Variants in SIRPA observed in about 807,000 individuals in gnomAD.
The protein encoded by SIRPA is signal regulatory protein alpha, also known as tyrosine-protein phosphatase non-receptor type substrate 1.
A neutral mutation model predicts 50.3 loss-of-function variants in SIRPA; 9 were observed. That is an observed-to-expected ratio of 0.18 (90% confidence interval 0.11 to 0.31). SIRPA has a LOEUF of 0.31. Ranked by LOEUF, SIRPA falls within the 10% of genes least tolerant of loss-of-function variation. The pLI is 1.00. For missense variants in SIRPA, 474 were observed against 661.6 expected, an observed-to-expected ratio of 0.72 and a Z score of 3.11; for synonymous variants, 265 against 284.1, an observed-to-expected ratio of 0.93 and a Z score of 0.68.
At chr20:1,917,939 G>A (rs1439470561) in intron 2 of SIRPA, among the ~76,000 whole-genome samples, 1 of 152,134 alleles carries the variant, frequency 6.6e-6, no homozygotes, top group Non-Finnish European at 1.5e-5. Flanking sequence ...GGAAGGTGGT[G>A]GTCAGTGTCA....
Position 1,937,559 on chromosome 20 carries a change from G to C in SIRPA, c.1506G>C (p.Pro502=), listed in dbSNP as rs750974605. ...CAGAGTACGCCAGCGTCCAGGTCCC[G>C]AGGAAGTGAATGGGACCGTGGTTTG... ...SFSEYASVQV[P]RK Residue 502 remains proline (P), a synonymous_variant, in exon 8 of 8, where the codon CCG becomes CCC. Coordinates refer to ENST00000358771, the MANE Select transcript of SIRPA (RefSeq NM_001040023.2). This position sits in a 1 kb window ranked among gnomAD's most constrained non-coding sequence, Gnocchi z 8.3. The C allele has an allele frequency of 2.5e-6, 4 of 1,613,900 alleles. No individual in the cohort carries two copies. Among genetic ancestry groups the C allele is most frequent in the South Asian group, 1.1e-5 (1 of 91,066 alleles).
chr20:1,922,315 C>A lies in SIRPA; in HGVS notation c.757C>A (p.Pro253Thr), dbSNP rs751609627. The A allele has an allele frequency of 6.2e-7, 1 of 1,613,922 alleles. No homozygotes were observed. The highest frequency in any genetic ancestry group is 2.2e-5 in the East Asian group (1 of 44,886). Reference sequence around the variant, plus strand: ...GCTTCTGCCCTGTGCTGTTTCAGTTCCACCCACCTTGGAGGTTACTCAACA... The same window carrying A: ...GCTTCTGCCCTGTGCTGTTTCAGTTACACCCACCTTGGAGGTTACTCAACA... ...TANLSETIRV[P>T]PTLEVTQQPV... The change falls in exon 4 of 8, where the codon CCA becomes ACA. Residue 253 changes from proline to threonine, a missense_variant and splice_region_variant. Pro to Thr is a conservative substitution (Grantham distance 38). Transcript: ENST00000358771.
At chr20:1,908,964 C>A (rs1208438222) in intron 1 of SIRPA, among the ~76,000 whole-genome samples, 2 of 152,222 alleles carry the variant, frequency 1.3e-5, no homozygotes, top group East Asian at 3.9e-4. Context: ...TTAATGCACA[C>A]TCTTGCACTG....
chr20:1,938,404 A>C lies in SIRPA; in HGVS notation c.*836A>C, dbSNP rs1420642755. 1 of 152,718 alleles carries C rather than the reference A, an allele frequency of 6.5e-6. No homozygotes were observed. The highest frequency in any genetic ancestry group is 1.5e-5 in the Non-Finnish European group (1 of 68,056). 9.5% of individuals were successfully genotyped at this position (152,718 alleles called of 1,614,324 possible). ...CGTGCAATCTTGAAACTGAGGTGTTAGAAAACTTGATCTGTGGTGTTTTGT... is the reference window on the plus strand; with the variant it reads ...CGTGCAATCTTGAAACTGAGGTGTTCGAAAACTTGATCTGTGGTGTTTTGT... On this transcript the variant is annotated 3_prime_UTR_variant, in exon 8 of 8. Transcript: ENST00000358771.
At chr20:1,912,844 G>A (rs889240994) in intron 1 of SIRPA, among the ~76,000 whole-genome samples, 1 of 152,212 alleles carries the variant, frequency 6.6e-6, no homozygotes, top group Non-Finnish European at 1.5e-5. Context: ...CTTTCCAGTT[G>A]GTCCAGTCTC....
intron 5 of SIRPA, among the ~76,000 whole-genome samples, chr20:1,926,864 C>T (rs550318697): frequency 6.6e-6 from 1 of 152,312 alleles, no homozygotes; most frequent in East Asian, 1.9e-4. Flanking sequence ...AGGGGTCTGC[C>T]CAGCCTCTCA....
At chr20:1,919,443 G>A (rs1192545912) in intron 2 of SIRPA, among the ~76,000 whole-genome samples, 3 of 152,146 alleles carry the variant, frequency 2.0e-5, no homozygotes, top group Admixed American at 6.5e-5. Context: ...TCTGAACAAC[G>A]TGCACCCGGG....
chr20:1,896,342 G>A (rs771066269), intron 1 of SIRPA, among the ~76,000 whole-genome samples: 3 of 152,044 alleles, frequency 2.0e-5, no homozygotes, highest in African/African-American at 4.8e-5. Flanking sequence ...CCGGCAGGCG[G>A]GCTCTGAAGG....
chr20:1,902,880 C>T (rs752792622), intron 1 of SIRPA, among the ~76,000 whole-genome samples: 7 of 151,958 alleles, frequency 4.6e-5, no homozygotes, highest in South Asian at 2.1e-4. Context: ...GGCATGGTGG[C>T]GTGCGCCTGG....
intron 1 of SIRPA, among the ~76,000 whole-genome samples, chr20:1,902,913 GCGGCA>G (rs1240165077): frequency 6.6e-6 from 1 of 150,978 alleles, no homozygotes; most frequent in African/African-American, 2.4e-5. Flanking sequence ...TCTGGAGGCT[GCGGCA>G]GGAGAATCGC....
At position 1,898,315 on chromosome 20, in the gene SIRPA, T is replaced by C. The variant is rs1983950139; in HGVS notation, c.79+2789T>C. Among the ~76,000 whole-genome samples, 1 of 152,206 alleles carries C rather than the reference T, an allele frequency of 6.6e-6. No individual in the cohort carries two copies. The highest frequency in any genetic ancestry group is 2.4e-5 in the African/African-American group (1 of 41,448). ...CACATCAGGCTGTTGGAAGTTCCTT[T>C]AAAGCCATAGTTTTCTCTGAGTACT... On this transcript the variant is annotated intron_variant, in intron 1 of 7. Coordinates refer to ENST00000358771, the MANE Select transcript of SIRPA (RefSeq NM_001040023.2). This position sits in a 1 kb window ranked among gnomAD's most constrained non-coding sequence, Gnocchi z 4.3.
At chr20:1,914,745 A>T (rs67708823) in intron 1 of SIRPA, among the ~76,000 whole-genome samples, 61,558 of 151,246 alleles carry the variant, frequency 0.41, 12,798 homozygotes, top group East Asian at 0.66. Context: ...CCAGGCCCCT[A>T]CCTCTGAGTC....
At position 1,924,534 on chromosome 20, in the gene SIRPA, A is replaced by G. The variant is rs1051865641; in HGVS notation, c.1088-230A>G. On this transcript the variant is annotated intron_variant, in intron 4 of 7. Coordinates refer to ENST00000358771, the MANE Select transcript of SIRPA (RefSeq NM_001040023.2). The surrounding 1 kb of genome is among the most constrained non-coding windows in gnomAD (Gnocchi z 4.5). ...GGTTCCTCCGTAGCTGTCAGCTACA[A>G]ATATATTCCCCCCTGGCACCTCAGC... Among the ~76,000 whole-genome samples, 2 of 152,172 alleles carry G rather than the reference A, an allele frequency of 1.3e-5. No individual in the cohort carries two copies. Among genetic ancestry groups the G allele is most frequent in the African/African-American group, 2.4e-5 (1 of 41,420 alleles).
At chr20:1,906,191 A>G (rs1386065363) in intron 1 of SIRPA, among the ~76,000 whole-genome samples, 1 of 152,140 alleles carries the variant, frequency 6.6e-6, no homozygotes, top group Non-Finnish European at 1.5e-5. Flanking sequence ...AGAGGTCCAG[A>G]GTGGGCGAGA....
chr20:1,928,481 A>G lies in SIRPA; in HGVS notation c.1226+582A>G, dbSNP rs1600450724. Among the ~76,000 whole-genome samples, 1 of 152,210 alleles carries G rather than the reference A, an allele frequency of 6.6e-6. No individual in the cohort carries two copies. The highest frequency in any genetic ancestry group is 1.9e-4 in the East Asian group (1 of 5,196). On this transcript the variant is annotated intron_variant, in intron 6 of 7. Transcript: ENST00000358771. The surrounding 1 kb of genome is among the most constrained non-coding windows in gnomAD (Gnocchi z 4.9). ...CTATGTGCCAGCCCTGCTCAGGACC[A>G]GCTGGTGATATAGCAGTAAACAAGA...
chr20:1,896,555 GTC>G (rs942918362), intron 1 of SIRPA, among the ~76,000 whole-genome samples: 1 of 152,086 alleles, frequency 6.6e-6, no homozygotes, highest in African/African-American at 2.4e-5. Context: ...AGGCAGTGGG[GTC>G]TCTCTGTACC....
Position 1,895,533 on chromosome 20 carries a change from A to G in SIRPA, c.79+7A>G. The stretch of plus-strand genomic sequence containing the variant: ...GCGTCCTGCGCCTGGTCAGGTAAGC[A>G]CCCCCCCGCTCCCCACCGCTGCACT... On this transcript the variant is annotated splice_region_variant and intron_variant, in intron 1 of 7. Coordinates refer to ENST00000358771, the MANE Select transcript of SIRPA (RefSeq NM_001040023.2). The G allele has an allele frequency of 6.9e-7, 1 of 1,442,496 alleles. No homozygotes were observed. Among genetic ancestry groups the G allele is most frequent in the South Asian group, 1.4e-5 (1 of 70,514 alleles). 89.4% of individuals were successfully genotyped at this position (1,442,496 alleles called of 1,614,324 possible).
Position 1,924,541 on chromosome 20 carries a change from T to C in SIRPA, c.1088-223T>C, listed in dbSNP as rs1262400861. ...CCGTAGCTGTCAGCTACAAATATAT[T>C]CCCCCCTGGCACCTCAGCATGGTTT... On this transcript the variant is annotated intron_variant, in intron 4 of 7. Coordinates refer to ENST00000358771, the MANE Select transcript of SIRPA (RefSeq NM_001040023.2). This position sits in a 1 kb window ranked among gnomAD's most constrained non-coding sequence, Gnocchi z 4.5. Among the ~76,000 whole-genome samples the C allele has an allele frequency of 6.6e-6, 1 of 151,962 alleles. No homozygotes were observed. Among genetic ancestry groups the C allele is most frequent in the Non-Finnish European group, 1.5e-5 (1 of 67,996 alleles).
chr20:1,911,473 A>G (rs75690637), intron 1 of SIRPA, among the ~76,000 whole-genome samples: 1,534 of 152,290 alleles, frequency 0.01, 32 homozygotes, highest in African/African-American at 0.034. Context: ...GAAAATTTCT[A>G]TATGACCACC....
Sources: gnomAD v4.1 joint callset for allele counts (sites outside exome capture counted in the v4.1 genomes callset) on GRCh38, gnomAD v4.1.1 for gene constraint, Gnocchi (gnomAD v3.1) non-coding constraint, MANE v1.5 for transcripts, NCBI Gene and HGNC (gene_info 2026-07-23, HGNC 2026-07-21) for gene names.